Variants in LINC00305 observed in about 807,000 individuals in gnomAD.
LINC00305 encodes the protein long independently transcribed non-coding RNA 305, also known as long intergenic non-protein coding RNA 305.
intron 1 of LINC00305, among the ~76,000 whole-genome samples, chr18:64,143,466 T>A (rs979419622): frequency 7.6e-6 from 1 of 131,282 alleles, no homozygotes; most frequent in Non-Finnish European, 1.6e-5. Context: ...TGGCCTAGTA[T>A]CTGAAAAGCA....
intron 1 of LINC00305, among the ~76,000 whole-genome samples, chr18:64,142,666 A>G (rs2051469493): frequency 6.6e-6 from 1 of 152,118 alleles, no homozygotes; most frequent in Admixed American, 6.5e-5. Context: ...GTCTTACACC[A>G]TGGCCACCCG....
intron 1 of LINC00305, among the ~76,000 whole-genome samples, chr18:64,113,622 A>G (rs1231761513): frequency 6.6e-6 from 1 of 150,914 alleles, no homozygotes; most frequent in Non-Finnish European, 1.5e-5. Context: ...TCCCAGTTTC[A>G]GGGAAAGGCG....
chr18:64,107,073 C>A (rs377613044), intron 1 of LINC00305, among the ~76,000 whole-genome samples: 12 of 152,350 alleles, frequency 7.9e-5, no homozygotes, highest in Admixed American at 7.8e-4. Flanking sequence ...ATCTCATTTT[C>A]TCATCTCTGC....
chr18:64,143,358 G>A (rs2051473465), intron 1 of LINC00305, among the ~76,000 whole-genome samples: 1 of 151,606 alleles, frequency 6.6e-6, no homozygotes. Flanking sequence ...TCCTTATATA[G>A]TAGTAGATGG....
At chr18:64,127,894 C>T (rs2051392387) in intron 1 of LINC00305, among the ~76,000 whole-genome samples, 1 of 152,068 alleles carries the variant, frequency 6.6e-6, no homozygotes, top group Admixed American at 6.6e-5. Context: ...GGGCCCTGAA[C>T]ATGCTAGGAA....
intron 1 of LINC00305, among the ~76,000 whole-genome samples, chr18:64,134,661 G>T (rs2051424452): frequency 6.6e-6 from 1 of 152,024 alleles, no homozygotes; most frequent in Non-Finnish European, 1.5e-5. Flanking sequence ...TAAAATAGGG[G>T]GGTCCAAGTT....
intron 1 of LINC00305, among the ~76,000 whole-genome samples, chr18:64,113,197 C>A (rs58031165): frequency 6.6e-6 from 1 of 152,176 alleles, no homozygotes; most frequent in Non-Finnish European, 1.5e-5. Context: ...GTCAGAGGGA[C>A]GAGGGAACTA....
At chr18:64,090,774 A>T (rs574917322) in intron 3 of LINC00305, among the ~76,000 whole-genome samples, 1 of 152,312 alleles carries the variant, frequency 6.6e-6, no homozygotes, top group Non-Finnish European at 1.5e-5. Flanking sequence ...CCTGAATTGT[A>T]TCATTCATCT....
chr18:64,132,863 TC>T (rs1273528763), intron 1 of LINC00305, among the ~76,000 whole-genome samples: 4 of 152,150 alleles, frequency 2.6e-5, no homozygotes, highest in Admixed American at 2.0e-4. Flanking sequence ...TCTGCCTTAG[TC>T]TTTTGAGGGT....
At chr18:64,083,749 T>C (rs1457781552) in intron 3 of LINC00305, among the ~76,000 whole-genome samples, 1 of 152,220 alleles carries the variant, frequency 6.6e-6, no homozygotes, top group Admixed American at 6.5e-5. Context: ...TCTTCCTAAA[T>C]TCCTGGTTCT....
chr18:64,136,539 C>T (rs373629980), intron 1 of LINC00305, among the ~76,000 whole-genome samples: 3 of 152,224 alleles, frequency 2.0e-5, no homozygotes, highest in African/African-American at 7.2e-5. Flanking sequence ...GCAAACCACC[C>T]CCATAATTCA....
intron 1 of LINC00305, among the ~76,000 whole-genome samples, chr18:64,131,742 A>G (rs2051410835): frequency 6.6e-6 from 1 of 152,114 alleles, no homozygotes; most frequent in Admixed American, 6.6e-5. Flanking sequence ...TTGTAGCATC[A>G]CTCGTTAGGG....
chr18:64,104,132 C>T (rs1043839834), intron 1 of LINC00305: 2 of 152,054 alleles, frequency 1.3e-5, no homozygotes, highest in Non-Finnish European at 2.9e-5. Context: ...TGTCTAATAC[C>T]ACCCAGAATG....
chr18:64,087,265 A>C (rs2051206853), intron 3 of LINC00305, among the ~76,000 whole-genome samples: 1 of 152,188 alleles, frequency 6.6e-6, no homozygotes, highest in Admixed American at 6.5e-5. Flanking sequence ...GAGCTAAAAA[A>C]TGGGGTTTGA....
chr18:64,148,360 A>C (rs2051508096), intron 1 of LINC00305, among the ~76,000 whole-genome samples: 1 of 152,076 alleles, frequency 6.6e-6, no homozygotes, highest in Non-Finnish European at 1.5e-5. Flanking sequence ...GACTAACTGT[A>C]AAACTATGTT....
At chr18:64,093,651 A>G (rs2051233819) in intron 3 of LINC00305, among the ~76,000 whole-genome samples, 1 of 152,150 alleles carries the variant, frequency 6.6e-6, no homozygotes, top group African/African-American at 2.4e-5. Context: ...CCCTGTCAAT[A>G]TGTTCTTGTA....
At chr18:64,135,844 G>A (rs1337741263) in intron 1 of LINC00305, among the ~76,000 whole-genome samples, 1 of 152,166 alleles carries the variant, frequency 6.6e-6, no homozygotes, top group African/African-American at 2.4e-5. Context: ...TTCCCAAAGT[G>A]CTGAGATTAA....
At chr18:64,108,168 C>A (rs1032200142) in intron 1 of LINC00305, among the ~76,000 whole-genome samples, 1 of 152,146 alleles carries the variant, frequency 6.6e-6, no homozygotes, top group African/African-American at 2.4e-5. Context: ...GGATAATAAT[C>A]CAACTCTACA....
chr18:64,127,480 A>T (rs1408828270), intron 1 of LINC00305: 1 of 152,132 alleles, frequency 6.6e-6, no homozygotes, highest in African/African-American at 2.4e-5. Context: ...CTCAATGGCC[A>T]AGTCCTTGCC....
Sources: gnomAD v4.1 joint callset for allele counts (sites outside exome capture counted in the v4.1 genomes callset) on GRCh38, gnomAD v4.1.1 for gene constraint, MANE v1.5 for transcripts, NCBI Gene and HGNC (gene_info 2026-07-23, HGNC 2026-07-21) for gene names.